ST6GALNAC3: variants seen among roughly 807,000 people sequenced by gnomAD.
ST6GALNAC3 encodes the protein ST6 N-acetylgalactosaminide alpha-2,6-sialyltransferase 3.
Under a neutral mutation model 32.7 loss-of-function variants are expected in ST6GALNAC3, and 25 were observed. The observed-to-expected ratio is 0.76, with a 90% confidence interval of 0.56 to 1.07. The LOEUF is 1.07. Among genes scored for constraint, ST6GALNAC3 ranks in the 50% least tolerant of loss-of-function variants. ST6GALNAC3 has a pLI of 0.00. For missense variants in ST6GALNAC3, 355 were observed against 382.4 expected (o/e 0.93, Z 0.60); for synonymous variants, 129 against 133.1 (o/e 0.97, Z 0.21).
In ST6GALNAC3 at chr1:76,291,260, C is replaced by T. The variant is rs112542649; in HGVS notation, c.19-22545C>T. ...GGTTTCTTAATTAAAATCCCCAGCA[C>T]GTTGGAGGGGCGGGCTGATTGAGGC... On this transcript the variant is annotated intron_variant, in intron 1 of 4. Transcript: ENST00000328299. Among the ~76,000 whole-genome samples the T allele has an allele frequency of 7.1e-3, 1,081 of 152,342 alleles. 6 individuals are homozygous for T. Among genetic ancestry groups the T allele is most frequent in the Middle Eastern group, 0.017 (5 of 294 alleles).
chr1:76,497,130 T>A (rs1660899157), intron 3 of ST6GALNAC3, among the ~76,000 whole-genome samples: 1 of 152,186 alleles, frequency 6.6e-6, no homozygotes, highest in Admixed American at 6.6e-5. Context: ...TAATTTGGAA[T>A]TCTCTGTGGA....
chr1:76,383,867 C>T (rs934912063), intron 2 of ST6GALNAC3, among the ~76,000 whole-genome samples: 14 of 152,092 alleles, frequency 9.2e-5, no homozygotes, highest in Middle Eastern at 3.4e-3. Flanking sequence ...ATTAATAATG[C>T]AATTTTAGGA....
downstream of ST6GALNAC3, among the ~76,000 whole-genome samples, chr1:76,636,468 T>C (rs1466777722): frequency 6.6e-6 from 1 of 152,224 alleles, no homozygotes; most frequent in African/African-American, 2.4e-5. Context: ...ATTTCTTGAA[T>C]CTTAAATTTA....
chr1:76,127,581 G>A (rs1383846487), intron 1 of ST6GALNAC3, among the ~76,000 whole-genome samples: 1 of 152,178 alleles, frequency 6.6e-6, no homozygotes, highest in Non-Finnish European at 1.5e-5. Context: ...GGCATGCACT[G>A]TGTTAAATAT....
At chr1:76,310,319 T>C (rs1646736946) in intron 1 of ST6GALNAC3, among the ~76,000 whole-genome samples, 2 of 152,176 alleles carry the variant, frequency 1.3e-5, no homozygotes, top group Admixed American at 1.3e-4. Context: ...CACATTGCAA[T>C]GTTGTGGACA....
intron 3 of ST6GALNAC3, among the ~76,000 whole-genome samples, chr1:76,530,704 A>C (rs1013380545): frequency 2.0e-5 from 3 of 152,158 alleles, no homozygotes; most frequent in African/African-American, 7.2e-5. Context: ...TTGAAACTTA[A>C]AGGATCCTTA....
intron 3 of ST6GALNAC3, among the ~76,000 whole-genome samples, chr1:76,440,342 C>T (rs1656485962): frequency 6.6e-6 from 1 of 152,124 alleles, no homozygotes; most frequent in Admixed American, 6.5e-5. Context: ...AAAAGTAAGC[C>T]TTGTGGCAAA....
intron 3 of ST6GALNAC3, among the ~76,000 whole-genome samples, chr1:76,611,974 A>G (rs1330795079): frequency 6.6e-6 from 1 of 152,334 alleles, no homozygotes; most frequent in African/African-American, 2.4e-5. Flanking sequence ...CTCAGTTCCA[A>G]CACCTCACAG....
Position 76,614,196 on chromosome 1 carries a change from T to C in ST6GALNAC3, c.624-13256T>C, listed in dbSNP as rs151273288. 2.0e-3 allele frequency among the ~76,000 whole-genome samples: 310 copies of C among 152,344 alleles called. 1 individual carries two copies. Among genetic ancestry groups the C allele is most frequent in the African/African-American group, 7.2e-3 (300 of 41,576 alleles). Reference sequence around the variant, plus strand: ...AAAAGTAGCCCTTTACTGGCAAGTTTCCAGTTAGTTTGCAAGTCAGCTGTG... The same window carrying C: ...AAAAGTAGCCCTTTACTGGCAAGTTCCCAGTTAGTTTGCAAGTCAGCTGTG... On this transcript the variant is annotated intron_variant, in intron 3 of 4. Transcript: ENST00000328299.
At chr1:76,618,925 G>A (rs1648463118) in intron 3 of ST6GALNAC3, among the ~76,000 whole-genome samples, 1 of 152,158 alleles carries the variant, frequency 6.6e-6, no homozygotes, top group Non-Finnish European at 1.5e-5. Context: ...AGGATGGAAT[G>A]AACAATATAA....
At chr1:76,343,440 C>A (rs1215718155) in intron 2 of ST6GALNAC3, among the ~76,000 whole-genome samples, 1 of 152,050 alleles carries the variant, frequency 6.6e-6, no homozygotes, top group African/African-American at 2.4e-5. Flanking sequence ...TCAGGAGAAA[C>A]GAAAATGAAA....
At chr1:76,464,955 T>C (rs1658527483) in intron 3 of ST6GALNAC3, among the ~76,000 whole-genome samples, 1 of 152,126 alleles carries the variant, frequency 6.6e-6, no homozygotes, top group Admixed American at 6.6e-5. Context: ...AAAGTCATGT[T>C]TGGCATCAGG....
chr1:76,223,190 C>A (rs887079047), intron 1 of ST6GALNAC3, among the ~76,000 whole-genome samples: 3 of 152,128 alleles, frequency 2.0e-5, no homozygotes, highest in Non-Finnish European at 4.4e-5. Context: ...TACATATACA[C>A]CATGGAATAC....
intron 1 of ST6GALNAC3, among the ~76,000 whole-genome samples, chr1:76,210,043 GTT>G (rs11326234): frequency 1.0e-4 from 15 of 148,518 alleles, no homozygotes; most frequent in East Asian, 3.9e-4. Flanking sequence ...TTAGAGCTGC[GTT>G]TTTTTTTTTC....
At chr1:76,608,649 C>A (rs1167768386) in intron 3 of ST6GALNAC3, among the ~76,000 whole-genome samples, 1 of 137,042 alleles carries the variant, frequency 7.3e-6, no homozygotes, top group Non-Finnish European at 1.6e-5. Context: ...GTGTGTGTAC[C>A]TGGCCCACTT....
At chr1:76,526,631 T>G (rs1450161031) in intron 3 of ST6GALNAC3, among the ~76,000 whole-genome samples, 1 of 152,116 alleles carries the variant, frequency 6.6e-6, no homozygotes, top group Non-Finnish European at 1.5e-5. Context: ...TCCTAAATAT[T>G]TATTTGCCTA....
intron 3 of ST6GALNAC3, among the ~76,000 whole-genome samples, chr1:76,445,101 A>T (rs568552935): frequency 2.3e-4 from 35 of 152,328 alleles, no homozygotes; most frequent in Non-Finnish European, 4.0e-4. Context: ...AACATTTGTC[A>T]GTAGTTTTAT....
chr1:76,091,160 A>C (rs1312729595), intron 1 of ST6GALNAC3, among the ~76,000 whole-genome samples: 4 of 152,236 alleles, frequency 2.6e-5, no homozygotes, highest in Non-Finnish European at 5.9e-5. Context: ...TTCTGTTGTG[A>C]CCATGCTTCA....
rs985812427 is a variant in ST6GALNAC3 at position 76,509,622 on chromosome 1, G to T, written c.623+97205G>T. On this transcript the variant is annotated intron_variant, in intron 3 of 4. Transcript: ENST00000328299. The surrounding 1 kb of genome is among the most constrained non-coding windows in gnomAD (Gnocchi z 5.5). ...ACTTTGTGGTTTAAAACAACACAAA[G>T]TTATTTTATACAGTTCGAAGTTAGA... Among the ~76,000 whole-genome samples, 1 of 152,170 alleles carries T rather than the reference G, an allele frequency of 6.6e-6. No individual in the cohort carries two copies.
Sources: gnomAD v4.1 joint callset for allele counts (sites outside exome capture counted in the v4.1 genomes callset) on GRCh38, gnomAD v4.1.1 for gene constraint, Gnocchi (gnomAD v3.1) non-coding constraint, MANE v1.5 for transcripts, NCBI Gene and HGNC (gene_info 2026-07-23, HGNC 2026-07-21) for gene names.